The following SYN3 variants were observed in gnomAD, a reference collection of about 807,000 sequenced individuals.
The protein encoded by SYN3 is synapsin III, also known as synapsin-3.
A neutral mutation model predicts 65.8 loss-of-function variants in SYN3; 35 were observed. The ratio of observed to expected loss-of-function variants is 0.53; its 90% CI spans 0.41 to 0.70. The LOEUF (loss-of-function observed/expected upper bound fraction) is 0.70, where lower values mean the gene tolerates loss of function less well. Ranked by LOEUF, SYN3 falls within the 30% of genes least tolerant of loss-of-function variation. The probability of loss-of-function intolerance (pLI) is 0.00; values close to 1 mark genes in which losing one functional copy is unlikely to be tolerated. For synonymous variants in SYN3, 270 were observed against 292.9 expected, an observed-to-expected ratio of 0.92 and a Z score of 0.80; for missense variants, 680 against 749.0, an observed-to-expected ratio of 0.91 and a Z score of 1.08.
At chr22:32,796,984 G>A (rs1249015197) in intron 6 of SYN3, among the ~76,000 whole-genome samples, 1 of 152,134 alleles carries the variant, frequency 6.6e-6, no homozygotes, top group East Asian at 1.9e-4. Context: ...CGGCAGCCAC[G>A]AACCCAGACG....
chr22:32,677,730 G>A (rs2147096821), intron 6 of SYN3, among the ~76,000 whole-genome samples: 1 of 152,262 alleles, frequency 6.6e-6, no homozygotes, highest in African/African-American at 2.4e-5. Flanking sequence ...GAACCTGGGA[G>A]GTTGAGCTTG....
At chr22:33,002,917 G>A (rs1288388053) in intron 2 of SYN3, among the ~76,000 whole-genome samples, 2 of 152,144 alleles carry the variant, frequency 1.3e-5, no homozygotes, top group Non-Finnish European at 2.9e-5. Flanking sequence ...GAGGGATTCA[G>A]TGGGAAGTAA....
At chr22:32,730,634 C>T (rs945938860) in intron 6 of SYN3, among the ~76,000 whole-genome samples, 2 of 152,156 alleles carry the variant, frequency 1.3e-5, no homozygotes, top group Admixed American at 1.3e-4. Flanking sequence ...GGTGTACTTC[C>T]TCAGGATTTG....
At chr22:32,592,469 T>C (rs1314904206) in intron 7 of SYN3, among the ~76,000 whole-genome samples, 1 of 152,254 alleles carries the variant, frequency 6.6e-6, no homozygotes, top group Non-Finnish European at 1.5e-5. Context: ...CTGTTTCTCA[T>C]GATGTCCACT....
intron 1 of SYN3, among the ~76,000 whole-genome samples, chr22:33,037,141 C>T (rs866602654): frequency 5.3e-5 from 8 of 152,124 alleles, no homozygotes; most frequent in South Asian, 4.1e-4. Flanking sequence ...TTTACAGGGC[C>T]GCAGCCAATG....
chr22:32,558,102 C>T (rs1201274628), intron 7 of SYN3, among the ~76,000 whole-genome samples: 1 of 152,158 alleles, frequency 6.6e-6, no homozygotes, highest in Non-Finnish European at 1.5e-5. Flanking sequence ...TAGCACAGCA[C>T]CTAGCACATA....
chr22:32,918,063 T>G (rs1177048032), intron 4 of SYN3, among the ~76,000 whole-genome samples: 2 of 152,238 alleles, frequency 1.3e-5, no homozygotes, highest in East Asian at 3.8e-4. Context: ...TGGTGGGCTG[T>G]CAGGAAGTCT....
intron 1 of SYN3, among the ~76,000 whole-genome samples, chr22:33,039,376 CTT>C (rs59092244): frequency 1.4e-3 from 193 of 135,170 alleles, no homozygotes; most frequent in African/African-American, 3.5e-3. Context: ...TCAAATGTGA[CTT>C]TTTTTTTTTT....
chr22:32,607,820 A>G (rs1014129949), intron 6 of SYN3, among the ~76,000 whole-genome samples: 11 of 152,204 alleles, frequency 7.2e-5, no homozygotes, highest in Admixed American at 2.0e-4. Context: ...GTCTCCCATG[A>G]GGATCCTCCT....
At chr22:32,635,531 G>T (rs1001385200) in intron 6 of SYN3, among the ~76,000 whole-genome samples, 4 of 152,178 alleles carry the variant, frequency 2.6e-5, no homozygotes, top group Non-Finnish European at 5.9e-5. Context: ...TTTGAAATAG[G>T]GACATTCTAG....
At chr22:32,589,854 C>T (rs2059104101) in intron 7 of SYN3, among the ~76,000 whole-genome samples, 1 of 152,180 alleles carries the variant, frequency 6.6e-6, no homozygotes, top group South Asian at 2.1e-4. Flanking sequence ...GTCACTATCC[C>T]TTTCAAACAC....
intron 6 of SYN3, among the ~76,000 whole-genome samples, chr22:32,852,653 G>A (rs2048253815): frequency 6.6e-6 from 1 of 152,162 alleles, no homozygotes; most frequent in Non-Finnish European, 1.5e-5. Flanking sequence ...ACTGATGGAA[G>A]GCAGGCAGAC....
intron 6 of SYN3, among the ~76,000 whole-genome samples, chr22:32,813,953 A>G (rs1388534091): frequency 1.3e-5 from 2 of 152,162 alleles, no homozygotes; most frequent in African/African-American, 2.4e-5. Flanking sequence ...CAGCCATCAT[A>G]TTATTACTAC....
chr22:32,581,258 C>T (rs2058937169), intron 7 of SYN3, among the ~76,000 whole-genome samples: 1 of 152,132 alleles, frequency 6.6e-6, no homozygotes, highest in Admixed American at 6.5e-5. Flanking sequence ...TACAGGCGCC[C>T]ACCACCACGC....
At chr22:32,681,325 G>T (rs2060519782) in intron 6 of SYN3, among the ~76,000 whole-genome samples, 1 of 150,898 alleles carries the variant, frequency 6.6e-6, no homozygotes, top group South Asian at 2.1e-4. Flanking sequence ...AGTGCCAAAT[G>T]GCTTGCCTGG....
At chr22:32,649,246 G>C (rs1285525762) in intron 6 of SYN3, among the ~76,000 whole-genome samples, 1 of 152,204 alleles carries the variant, frequency 6.6e-6, no homozygotes, top group Non-Finnish European at 1.5e-5. Context: ...AGTTAGCCAT[G>C]TCCTGGCTAG....
intron 7 of SYN3, among the ~76,000 whole-genome samples, chr22:32,565,170 C>T (rs139655131): frequency 1.4e-4 from 20 of 138,762 alleles, no homozygotes; most frequent in African/African-American, 4.8e-4. Context: ...ACAGTGCTCT[C>T]GGACTGCACC....
At chr22:32,651,018 A>G (rs2060062551) in intron 6 of SYN3, among the ~76,000 whole-genome samples, 1 of 152,162 alleles carries the variant, frequency 6.6e-6, no homozygotes, top group East Asian at 1.9e-4. Context: ...GGTCAGCTGC[A>G]GCCAAGTCCT....
In SYN3 at chr22:32,509,729, C is replaced by T. The variant is rs8142380; in HGVS notation, c.*3963G>A. The stretch of plus-strand genomic sequence containing the variant: ...GACTACAGGCGCCCGCTACCACGCC[C>T]GGCTAATTTTTTATATTTTTAGTAG... On this transcript the variant is annotated 3_prime_UTR_variant, in exon 14 of 14. Coordinates refer to ENST00000358763, the MANE Select transcript of SYN3 (RefSeq NM_003490.4). 0.031 allele frequency among the ~76,000 whole-genome samples: 4,766 copies of T among 152,000 alleles called. 235 individuals carry two copies. Among genetic ancestry groups the T allele is most frequent in the African/African-American group, 0.11 (4,366 of 41,418 alleles).
Sources: gnomAD v4.1 joint callset for allele counts (sites outside exome capture counted in the v4.1 genomes callset) on GRCh38, gnomAD v4.1.1 for gene constraint, MANE v1.5 for transcripts, NCBI Gene and HGNC (gene_info 2026-07-23, HGNC 2026-07-21) for gene names.